The following HLCS variants were observed in gnomAD, a reference collection of about 807,000 sequenced individuals.
HLCS encodes the protein holocarboxylase synthetase.
Under a neutral mutation model 75.0 loss-of-function variants are expected in HLCS, and 53 were observed. That is an observed-to-expected ratio of 0.71 (90% CI 0.57 to 0.89). HLCS has a LOEUF of 0.89. Among genes scored for constraint, HLCS ranks in the 40% least tolerant of loss-of-function variants. The pLI is 0.00. For synonymous variants in HLCS, 431 were observed against 428.6 expected (o/e 1.01, Z -0.07); for missense variants, 966 against 1,074.0 (o/e 0.90, Z 1.41).
chr21:36,813,312 T>C (rs2061565433), intron 6 of HLCS, among the ~76,000 whole-genome samples: 1 of 152,216 alleles, frequency 6.6e-6, no homozygotes, highest in Admixed American at 6.5e-5. Flanking sequence ...CATAATTTCC[T>C]GTAATAATCT....
intron 9 of HLCS, among the ~76,000 whole-genome samples, chr21:36,758,517 T>A (rs2089693207): frequency 6.6e-6 from 1 of 152,116 alleles, no homozygotes; most frequent in African/African-American, 2.4e-5. Context: ...GCTCAAGTGA[T>A]CTACCTGCCT....
At chr21:36,896,013 G>C (rs2064996963) in intron 6 of HLCS, among the ~76,000 whole-genome samples, 1 of 152,166 alleles carries the variant, frequency 6.6e-6, no homozygotes, top group African/African-American at 2.4e-5. Flanking sequence ...CCTGCAGTAA[G>C]AGTAAATTTC....
At chr21:36,937,744 TA>T (rs1476228104) in intron 3 of HLCS, among the ~76,000 whole-genome samples, 6 of 152,154 alleles carry the variant, frequency 3.9e-5, no homozygotes, top group Non-Finnish European at 8.8e-5. Context: ...TCCTTCACAA[TA>T]ATGAAACTGA....
intron 9 of HLCS, among the ~76,000 whole-genome samples, chr21:36,758,068 T>G (rs1176034883): frequency 6.6e-6 from 1 of 152,196 alleles, no homozygotes; most frequent in Admixed American, 6.5e-5. Context: ...GTTCTCACCA[T>G]AGGAAAATGT....
chr21:36,891,112 T>C (rs2081130565), intron 6 of HLCS, among the ~76,000 whole-genome samples: 1 of 152,244 alleles, frequency 6.6e-6, no homozygotes, highest in African/African-American at 2.4e-5. Context: ...CTGTTCATAA[T>C]ACATAAACAA....
At chr21:36,786,164 C>T (rs150610722) in intron 6 of HLCS, among the ~76,000 whole-genome samples, 1 of 152,236 alleles carries the variant, frequency 6.6e-6, no homozygotes, top group Non-Finnish European at 1.5e-5. Context: ...CTTCCTGCTC[C>T]GTTAAAAAGA....
intron 6 of HLCS, among the ~76,000 whole-genome samples, chr21:36,779,009 G>C (rs55709811): frequency 0.019 from 2,828 of 151,856 alleles, 50 homozygotes; most frequent in South Asian, 0.03. Context: ...AAAAAAACTG[G>C]GGCTAAGAAA....
chr21:36,760,284 C>T (rs2089780688), intron 8 of HLCS, among the ~76,000 whole-genome samples: 1 of 152,060 alleles, frequency 6.6e-6, no homozygotes, highest in African/African-American at 2.4e-5. Flanking sequence ...CTGAATTAAC[C>T]AAGGTCACAA....
chr21:36,763,935 G>A (rs966545010), intron 8 of HLCS, among the ~76,000 whole-genome samples: 1 of 152,234 alleles, frequency 6.6e-6, no homozygotes, highest in Non-Finnish European at 1.5e-5. Flanking sequence ...CACATTGTAT[G>A]TGGTCAACAG....
chr21:36,973,669 A>G (rs929253887), intron 1 of HLCS: 2 of 152,226 alleles, frequency 1.3e-5, no homozygotes, highest in Non-Finnish European at 2.9e-5. Flanking sequence ...AGGGGATTTA[A>G]TACAGAGAGC....
intron 6 of HLCS, among the ~76,000 whole-genome samples, chr21:36,851,279 A>G (rs561197269): frequency 6.6e-6 from 1 of 152,336 alleles, no homozygotes; most frequent in South Asian, 2.1e-4. Context: ...GAGCAACCTA[A>G]GCGTCCATCA....
chr21:36,775,861 C>A (rs561056503), intron 6 of HLCS, among the ~76,000 whole-genome samples: 1 of 152,176 alleles, frequency 6.6e-6, no homozygotes, highest in African/African-American at 2.4e-5. Context: ...CAGATGTCTG[C>A]GAACAGTGTT....
intron 2 of HLCS, among the ~76,000 whole-genome samples, chr21:36,951,264 C>T (rs936216383): frequency 4.6e-5 from 7 of 152,330 alleles, no homozygotes; most frequent in Admixed American, 1.3e-4. Context: ...CCCCTGCTTT[C>T]CCCTCTGGCC....
chr21:36,911,170 C>T (rs984647432), intron 5 of HLCS, among the ~76,000 whole-genome samples: 2 of 152,198 alleles, frequency 1.3e-5, no homozygotes, highest in Non-Finnish European at 2.9e-5. Context: ...GGGCTACAGC[C>T]AAGTAGCCAC....
At chr21:36,814,377 T>G (rs1189818061) in intron 6 of HLCS, among the ~76,000 whole-genome samples, 1 of 152,234 alleles carries the variant, frequency 6.6e-6, no homozygotes, top group East Asian at 1.9e-4. Flanking sequence ...AAATACAGAA[T>G]GCCCATTTAA....
At chr21:36,820,599 C>G (rs186744869) in intron 6 of HLCS, among the ~76,000 whole-genome samples, 1 of 152,386 alleles carries the variant, frequency 6.6e-6, no homozygotes, top group African/African-American at 2.4e-5. Context: ...TCAGTCCCCA[C>G]TGGACTTTGG....
At chr21:36,967,653 G>T (rs753155712), upstream of HLCS, among the ~76,000 whole-genome samples, 1 of 152,248 alleles carries the variant, frequency 6.6e-6, no homozygotes, top group African/African-American at 2.4e-5. Flanking sequence ...GGCCCTCGCT[G>T]AAAATAGGTG....
At chr21:36,928,152 T>A (rs1327723740) in intron 5 of HLCS, among the ~76,000 whole-genome samples, 4 of 152,186 alleles carry the variant, frequency 2.6e-5, no homozygotes, top group African/African-American at 9.7e-5. Context: ...AGGCAGTGCA[T>A]ATCCACCTTC....
intron 6 of HLCS, among the ~76,000 whole-genome samples, chr21:36,868,381 G>T (rs1392469952): frequency 6.6e-6 from 1 of 151,982 alleles, no homozygotes; most frequent in Non-Finnish European, 1.5e-5. Flanking sequence ...TGATTATAGA[G>T]GTGGGAATGA....
Sources: gnomAD v4.1 joint callset for allele counts (sites outside exome capture counted in the v4.1 genomes callset) on GRCh38, gnomAD v4.1.1 for gene constraint, MANE v1.5 for transcripts, NCBI Gene and HGNC (gene_info 2026-07-23, HGNC 2026-07-21) for gene names.